DIPK1A: variants seen among roughly 807,000 people sequenced by gnomAD.
DIPK1A encodes family with sequence similarity 69 member A.
DIPK1A carries 27 observed loss-of-function variants against 40.8 expected under a neutral mutation model. The ratio of observed to expected loss-of-function variants is 0.66; its 90% CI spans 0.49 to 0.91. The LOEUF (loss-of-function observed/expected upper bound fraction) is 0.91. Ranked by LOEUF, DIPK1A falls within the 40% of genes least tolerant of loss-of-function variation. The probability of loss-of-function intolerance (pLI) is 0.00; values close to 1 mark genes in which losing one functional copy is unlikely to be tolerated. For missense variants in DIPK1A, 412 were observed against 505.7 expected (o/e 0.81, Z 1.78); for synonymous variants, 166 against 171.3 (o/e 0.97, Z 0.24).
chr1:92,910,828 A>AG (rs895006128), intron 1 of DIPK1A, among the ~76,000 whole-genome samples: 2 of 152,080 alleles, frequency 1.3e-5, no homozygotes, highest in African/African-American at 2.4e-5. Flanking sequence ...TACTCTTGTC[A>AG]GGGGGGTGTA....
At chr1:92,875,069 G>C (rs901820241) in intron 2 of DIPK1A, among the ~76,000 whole-genome samples, 43 of 152,092 alleles carry the variant, frequency 2.8e-4, no homozygotes, top group African/African-American at 9.7e-4. Context: ...TAACACTCCT[G>C]TGGAATAACG....
intron 1 of DIPK1A, among the ~76,000 whole-genome samples, chr1:92,953,357 T>TA (rs559382650): frequency 2.1e-3 from 321 of 152,034 alleles, no homozygotes; most frequent in African/African-American, 7.2e-3. Context: ...TGAAGGTTGC[T>TA]AAAAAAATTA....
Position 92,843,538 on chromosome 1 carries a change from C to G in DIPK1A, c.1132G>C (p.Ala378Pro). 1 of 1,552,066 alleles carries G rather than the reference C, an allele frequency of 6.4e-7. No individual in the cohort carries two copies. The highest frequency in any genetic ancestry group is 1.2e-5 in the South Asian group (1 of 84,054). ...QLLKDYLLRG[A>P]PSEIREELEK... ...AATTCTTCACGAATTTCACTTGGAG[C>G]ACCACGCAGTAGGTAGTCTTTGAGT... The change falls in exon 5 of 5, where the codon GCT becomes CCT. Residue 378 changes from alanine to proline, a missense_variant. By Grantham distance (27) the Ala-to-Pro change is conservative (BLOSUM62 -1). Transcript: ENST00000370310.
intron 1 of DIPK1A, among the ~76,000 whole-genome samples, chr1:92,909,788 T>C (rs1373284107): frequency 6.6e-6 from 1 of 152,220 alleles, no homozygotes; most frequent in African/African-American, 2.4e-5. Context: ...CAGCAATCAT[T>C]TTAAGTAACT....
At chr1:92,838,412 C>T (rs924162921), downstream of DIPK1A, among the ~76,000 whole-genome samples, 2 of 152,180 alleles carry the variant, frequency 1.3e-5, no homozygotes, top group African/African-American at 4.8e-5. Flanking sequence ...TTCTACTAGT[C>T]TTGCAAAATT....
At chr1:92,932,434 C>T (rs1447907668) in intron 1 of DIPK1A, 1 of 151,526 alleles carries the variant, frequency 6.6e-6, no homozygotes, top group African/African-American at 2.4e-5. Context: ...CAGCGAGACT[C>T]TGTCTCAAAA....
chr1:92,860,228 G>A (rs564765658), intron 2 of DIPK1A, among the ~76,000 whole-genome samples: 1 of 152,240 alleles, frequency 6.6e-6, no homozygotes, highest in East Asian at 1.9e-4. Context: ...AAACTTTAGA[G>A]AGCTTCAGAT....
At position 92,942,009 on chromosome 1, in the gene DIPK1A, T is replaced by G. The variant is rs191404800; in HGVS notation, c.54+19367A>C. On this transcript the variant is annotated intron_variant, in intron 1 of 4. Transcript: ENST00000370310. ...TGTCTCAAAAAAAAAAAAAAGCCAGTGTGCATCTACAGCCCACAGCAACAC... is the reference window on the plus strand; with the variant it reads ...TGTCTCAAAAAAAAAAAAAAGCCAGGGTGCATCTACAGCCCACAGCAACAC... Among the ~76,000 whole-genome samples the G allele has an allele frequency of 3.0e-4, 45 of 147,834 alleles. No homozygotes were observed. The East Asian group carries it at 8.6e-3, about 28-fold the overall frequency.
At chr1:92,851,484 G>A (rs1447702598) in intron 2 of DIPK1A, among the ~76,000 whole-genome samples, 3 of 128,984 alleles carry the variant, frequency 2.3e-5, no homozygotes, top group Non-Finnish European at 3.1e-5. Flanking sequence ...CAGAGGTTGT[G>A]GTGAGCCGAG....
At chr1:92,840,112 T>C (rs1371786565), downstream of DIPK1A, among the ~76,000 whole-genome samples, 1 of 151,894 alleles carries the variant, frequency 6.6e-6, no homozygotes, top group Non-Finnish European at 1.5e-5. Context: ...CTTGACCTCC[T>C]GGACTCACGT....
intron 1 of DIPK1A, among the ~76,000 whole-genome samples, chr1:92,941,179 T>C (rs1651137691): frequency 6.6e-6 from 1 of 152,210 alleles, no homozygotes; most frequent in African/African-American, 2.4e-5. Flanking sequence ...TCTAAGAACG[T>C]GCAGTAACTA....
intron 1 of DIPK1A, among the ~76,000 whole-genome samples, chr1:92,959,114 C>T (rs1441135879): frequency 6.6e-6 from 1 of 151,900 alleles, no homozygotes; most frequent in East Asian, 1.9e-4. Flanking sequence ...GGCGAAACTC[C>T]GTGTCTACAA....
chr1:92,955,708 A>C (rs1413700726), intron 1 of DIPK1A, among the ~76,000 whole-genome samples: 1 of 150,612 alleles, frequency 6.6e-6, no homozygotes, highest in Non-Finnish European at 1.5e-5. Flanking sequence ...AAAAAAAAAA[A>C]AAAAGAAAAG....
chr1:92,929,376 G>A (rs913000544), intron 1 of DIPK1A, among the ~76,000 whole-genome samples: 1 of 152,108 alleles, frequency 6.6e-6, no homozygotes, highest in Non-Finnish European at 1.5e-5. Context: ...TAGCTTCCAC[G>A]TGCTGCTTTT....
chr1:92,910,794 TA>T (rs1359724881), intron 1 of DIPK1A, among the ~76,000 whole-genome samples: 1 of 152,198 alleles, frequency 6.6e-6, no homozygotes. Flanking sequence ...CTACTGATTT[TA>T]TTCAGACTTC....
intron 1 of DIPK1A, among the ~76,000 whole-genome samples, chr1:92,913,389 G>A (rs1176163894): frequency 1.3e-5 from 2 of 152,022 alleles, no homozygotes; most frequent in Non-Finnish European, 2.9e-5. Context: ...AAAAAAAGGG[G>A]AAAATACTGG....
chr1:92,919,690 A>G (rs1650198748), intron 1 of DIPK1A, among the ~76,000 whole-genome samples: 1 of 152,232 alleles, frequency 6.6e-6, no homozygotes, highest in Non-Finnish European at 1.5e-5. Flanking sequence ...AGGCTCAGTA[A>G]AAATTTATCC....
intron 4 of DIPK1A, among the ~76,000 whole-genome samples, chr1:92,836,006 T>C (rs1687110145): frequency 3.9e-5 from 6 of 152,200 alleles, no homozygotes. Context: ...AATTGAATGT[T>C]TTAAGTTTTT....
downstream of DIPK1A, among the ~76,000 whole-genome samples, chr1:92,839,927 G>C (rs963142545): frequency 6.6e-6 from 1 of 151,620 alleles, no homozygotes; most frequent in Non-Finnish European, 1.5e-5. Context: ...TGCAACTTCA[G>C]ACTTCTGGGC....
Sources: allele counts gnomAD v4.1 joint callset (sites outside exome capture counted in the v4.1 genomes callset), GRCh38; gene constraint gnomAD v4.1.1; transcripts MANE v1.5; gene names NCBI Gene and HGNC (gene_info 2026-07-23, HGNC 2026-07-21).